Variants in SLC35D2 observed in about 807,000 individuals in gnomAD.
SLC35D2 encodes nucleotide sugar transporter SLC35D2.
In SLC35D2, 43 loss-of-function variants were observed where a neutral mutation model predicts 41.8. That is an observed-to-expected ratio of 1.03 (90% confidence interval 0.81 to 1.33). SLC35D2 has a LOEUF of 1.33. Among genes scored for constraint, SLC35D2 ranks in the 40% most tolerant of loss-of-function variants. The probability of loss-of-function intolerance (pLI) is 0.00; values close to 1 mark genes in which losing one functional copy is unlikely to be tolerated. For synonymous variants in SLC35D2, 150 were observed against 163.9 expected, an observed-to-expected ratio of 0.92 and a Z score of 0.65; for missense variants, 380 against 408.4, an observed-to-expected ratio of 0.93 and a Z score of 0.60.
intron 1 of SLC35D2, among the ~76,000 whole-genome samples, chr9:96,382,466 TACACACACACAC>T (rs35402465): frequency 3.8e-5 from 5 of 133,092 alleles, no homozygotes; most frequent in East Asian, 2.2e-4. Flanking sequence ...AAAAATATTA[TACACACACACAC>T]ACACACACAC....
intron 1 of SLC35D2, among the ~76,000 whole-genome samples, chr9:96,371,474 C>CAAAAAAAAAAAAAAAAAAAAAAAAAA (rs539576375): frequency 8.6e-5 from 4 of 46,648 alleles, no homozygotes; most frequent in African/African-American, 1.5e-4. Flanking sequence ...GACTCTGTCT[C>CAAAAAAAAAAAAAAAAAAAAAAAAAA]AAAAAAAAAA....
intron 1 of SLC35D2, among the ~76,000 whole-genome samples, chr9:96,369,647 CAT>C (rs1830602557): frequency 6.6e-6 from 1 of 152,166 alleles, no homozygotes. Context: ...TGATTTATGA[CAT>C]AGATGATGCT....
At chr9:96,383,057 C>G (rs1302006226) in intron 1 of SLC35D2, among the ~76,000 whole-genome samples, 1 of 152,188 alleles carries the variant, frequency 6.6e-6, no homozygotes, top group African/African-American at 2.4e-5. Flanking sequence ...TCCATGAACA[C>G]GCTGGTCATC....
intron 1 of SLC35D2, among the ~76,000 whole-genome samples, chr9:96,378,919 A>G (rs920709686): frequency 1.3e-5 from 2 of 151,510 alleles, no homozygotes; most frequent in Non-Finnish European, 2.9e-5. Context: ...ACAGAACAAG[A>G]CCCAGTCTCA....
chr9:96,349,339 A>T (rs182138190), intron 6 of SLC35D2, among the ~76,000 whole-genome samples: 1 of 152,142 alleles, frequency 6.6e-6, no homozygotes, highest in East Asian at 1.9e-4. Flanking sequence ...AGGTCCATTC[A>T]TTCTCTCCAG....
rs758420033 is a variant in SLC35D2 at position 96,360,237 on chromosome 9, A to G, written c.280-16T>C. The G allele has an allele frequency of 1.3e-5, 20 of 1,599,370 alleles. No homozygotes were observed. Among genetic ancestry groups the G allele is most frequent in the East Asian group, 4.5e-5 (2 of 44,798 alleles). Reference sequence around the variant, plus strand: ...GAGGAAACAGCTTCCATTAAAAAAAAAAGAAGAAATATTTGGTTAGAACTC... The same window carrying G: ...GAGGAAACAGCTTCCATTAAAAAAAGAAGAAGAAATATTTGGTTAGAACTC... On this transcript the variant is annotated splice_polypyrimidine_tract_variant and intron_variant, in intron 3 of 11. Coordinates refer to ENST00000253270, the MANE Select transcript of SLC35D2 (RefSeq NM_007001.3).
At chr9:96,344,090 T>A (rs991515621) in intron 7 of SLC35D2, 94 bp from the exon 8 acceptor site, 2 of 694,390 alleles carry the variant, frequency 2.9e-6, no homozygotes, top group Non-Finnish European at 4.8e-6. Flanking sequence ...TCATGCGAAG[T>A]TAGAATGTGC....
At chr9:96,314,535 A>G (rs553898828) in exon 12 of SLC35D2, 1 of 152,326 alleles carries the variant, frequency 6.6e-6, no homozygotes, top group South Asian at 2.1e-4. Context: ...TGGGAGCTGA[A>G]CAATGAGAAT....
chr9:96,367,531 A>C (rs539623733), intron 2 of SLC35D2, among the ~76,000 whole-genome samples: 4 of 152,322 alleles, frequency 2.6e-5, no homozygotes, highest in Admixed American at 1.3e-4. Context: ...TTGTAATCCC[A>C]GCACTTTGGG....
intron 6 of SLC35D2, among the ~76,000 whole-genome samples, chr9:96,345,960 A>G (rs954766465): frequency 6.6e-6 from 1 of 152,176 alleles, no homozygotes; most frequent in Non-Finnish European, 1.5e-5. Context: ...CTTCTCTTCC[A>G]TTTCCATTAT....
intron 9 of SLC35D2, among the ~76,000 whole-genome samples, chr9:96,328,093 A>G (rs537322152): frequency 6.6e-6 from 1 of 152,300 alleles, no homozygotes; most frequent in Admixed American, 6.5e-5. Flanking sequence ...ACCTTCGTTA[A>G]CTCAGTACTC....
downstream of SLC35D2, among the ~76,000 whole-genome samples, chr9:96,317,431 G>T (rs1254958902): frequency 6.6e-6 from 1 of 152,018 alleles, no homozygotes; most frequent in Non-Finnish European, 1.5e-5. Flanking sequence ...AAGCCTGATT[G>T]GAGCTTCCTT....
At chr9:96,360,650 A>AG (rs532879606) in intron 3 of SLC35D2, among the ~76,000 whole-genome samples, 16,043 of 132,708 alleles carry the variant, frequency 0.12, 1,811 homozygotes, top group African/African-American at 0.19. Flanking sequence ...AAAAAAAAAA[A>AG]AAAAGAAAAG....
intron 1 of SLC35D2, among the ~76,000 whole-genome samples, chr9:96,374,843 CAA>C (rs1179481303): frequency 2.7e-4 from 29 of 107,460 alleles, no homozygotes; most frequent in Admixed American, 6.1e-4. Flanking sequence ...CACTCCGCCT[CAA>C]AAAAAAAAAA....
At chr9:96,359,190 G>A (rs1830162520) in intron 4 of SLC35D2, among the ~76,000 whole-genome samples, 1 of 151,766 alleles carries the variant, frequency 6.6e-6, no homozygotes, top group Admixed American at 6.6e-5. Flanking sequence ...TGTACTCCCA[G>A]CTACTGGGGA....
chr9:96,319,861 G>A (rs1225322478), downstream of SLC35D2, among the ~76,000 whole-genome samples: 1 of 152,290 alleles, frequency 6.6e-6, no homozygotes, highest in East Asian at 1.9e-4. Flanking sequence ...TCAGCTTCTC[G>A]AAACTCAGAA....
intron 4 of SLC35D2, among the ~76,000 whole-genome samples, chr9:96,356,382 C>CTTTTTTTT (rs199569097): frequency 2.0e-5 from 2 of 101,432 alleles, no homozygotes; most frequent in Non-Finnish European, 2.1e-5. Flanking sequence ...TTTATTTATT[C>CTTTTTTTT]TTTTTTTTTT....
At chr9:96,354,686 T>C (rs1829944715) in intron 4 of SLC35D2, among the ~76,000 whole-genome samples, 1 of 138,228 alleles carries the variant, frequency 7.2e-6, no homozygotes, top group African/African-American at 2.7e-5. Context: ...GACAATTGCT[T>C]GAACCTAGGA....
rs894125067 is a variant in SLC35D2, at chr9:96,359,604, C to T, written c.347+550G>A. On this transcript the variant is annotated intron_variant, in intron 4 of 11. Coordinates refer to ENST00000253270, the MANE Select transcript of SLC35D2 (RefSeq NM_007001.3). ...ACTTGGGAGGCTGAGGCAGGAGAAT[C>T]GCTTGAACTCAGAAGGTGGAGGTTG... Among the ~76,000 whole-genome samples, 6 of 151,626 alleles carry T rather than the reference C, an allele frequency of 4.0e-5. No homozygotes were observed. In the East Asian group the frequency reaches 9.7e-4, roughly 25 times the overall value.
Sources: allele counts gnomAD v4.1 joint callset (sites outside exome capture counted in the v4.1 genomes callset), GRCh38; gene constraint gnomAD v4.1.1; transcripts MANE v1.5; gene names NCBI Gene and HGNC (gene_info 2026-07-23, HGNC 2026-07-21).